CROCC2: variants seen among roughly 807,000 people sequenced by gnomAD.
CROCC2 encodes ciliary rootlet coiled-coil, rootletin family member 2.
In CROCC2, 163 loss-of-function variants were observed where a neutral mutation model predicts 177.6. That is an observed-to-expected ratio of 0.92 (90% CI 0.81 to 1.05). CROCC2 has a LOEUF of 1.05. CROCC2 is among the 50% of genes least tolerant of loss of function. The pLI, the probability that CROCC2 is intolerant of heterozygous loss-of-function variation, is 0.00. For synonymous variants in CROCC2, 904 were observed against 787.3 expected, an observed-to-expected ratio of 1.15 and a Z score of -2.48; for missense variants, 1,929 against 1,797.8, an observed-to-expected ratio of 1.07 and a Z score of -1.32.
At chr2:240,969,229 C>A (rs2059705481) in intron 27 of CROCC2, among the ~76,000 whole-genome samples, 1 of 152,176 alleles carries the variant, frequency 6.6e-6, no homozygotes, top group African/African-American at 2.4e-5. Context: ...CAGAAAGGCC[C>A]CAAGGGCAGC....
intron 30 of CROCC2, 47 bp from the exon 31 acceptor site, chr2:240,991,149 G>A: frequency 6.9e-7 from 1 of 1,439,444 alleles, no homozygotes; most frequent in Non-Finnish European, 9.4e-7. Context: ...CTGGGGCCCT[G>A]GCCGTGCAGC....
intron 7 of CROCC2, 91 bp from the exon 8 acceptor site, chr2:240,932,227 G>A (rs905746368): frequency 2.8e-5 from 18 of 643,172 alleles, no homozygotes; most frequent in Admixed American, 4.7e-5. Flanking sequence ...GGGGGCCACC[G>A]CACAAAGGAG....
intron 20 of CROCC2, among the ~76,000 whole-genome samples, chr2:240,961,468 GCATA>G (rs561266977): frequency 2.6e-5 from 4 of 151,916 alleles, no homozygotes; most frequent in African/African-American, 9.7e-5. Context: ...GCATGCACAG[GCATA>G]CAGACGTGCA....
intron 31 of CROCC2, 129 bp downstream of exon 31, chr2:240,991,407 C>A: frequency 1.3e-6 from 1 of 749,512 alleles, no homozygotes. Flanking sequence ...AAAACCAATG[C>A]CTTGTGCTCT....
chr2:240,941,700 A>G lies in CROCC2; in HGVS notation c.2170-4360A>G, dbSNP rs77585421. 5.2e-3 allele frequency among the ~76,000 whole-genome samples: 795 copies of G among 152,344 alleles called. 9 individuals carry two copies. Among genetic ancestry groups the G allele is most frequent in the African/African-American group, 0.019 (772 of 41,566 alleles). On this transcript the variant is annotated intron_variant, in intron 14 of 31. Coordinates refer to ENST00000690015, the MANE Select transcript of CROCC2 (RefSeq NM_001351305.2). ...CCTAAAATTATGATATGCACAGTCT[A>G]TATCCAAATATTATATTACTTCACA...
At chr2:240,957,611 G>C (rs2059600678) in intron 19 of CROCC2, 1 of 152,310 alleles carries the variant, frequency 6.6e-6, no homozygotes. Context: ...CGCAGCGGGA[G>C]AGGGCGCTGC....
At chr2:240,943,262 C>T (rs558932432) in intron 14 of CROCC2, among the ~76,000 whole-genome samples, 1 of 152,134 alleles carries the variant, frequency 6.6e-6, no homozygotes, top group African/African-American at 2.4e-5. Context: ...CCTGCCTCAG[C>T]CTCCCAAAGT....
At chr2:240,985,673 GCACT>G (rs1195666041) in intron 28 of CROCC2, among the ~76,000 whole-genome samples, 2 of 52,452 alleles carry the variant, frequency 3.8e-5, no homozygotes, top group Non-Finnish European at 6.4e-5. Flanking sequence ...ACACACCCAG[GCACT>G]CACTCCACAC....
intron 27 of CROCC2, among the ~76,000 whole-genome samples, chr2:240,971,470 C>G (rs986975127): frequency 1.3e-5 from 2 of 152,328 alleles, no homozygotes; most frequent in East Asian, 1.9e-4. Context: ...CCTTGTTTGC[C>G]TCTGACCTTG....
chr2:240,914,241 C>T (rs545895213), intron 1 of CROCC2, among the ~76,000 whole-genome samples: 98 of 152,350 alleles, frequency 6.4e-4, no homozygotes, highest in African/African-American at 2.2e-3. Flanking sequence ...CCAGTCCTAA[C>T]GCTGCTGCTG....
At chr2:240,909,885 G>T (rs1451800491) in intron 1 of CROCC2, among the ~76,000 whole-genome samples, 2 of 152,180 alleles carry the variant, frequency 1.3e-5, no homozygotes, top group African/African-American at 4.8e-5. Flanking sequence ...CCACCCTCCA[G>T]CTATAGCCTG....
At chr2:240,909,193 G>C (rs71428477) in intron 1 of CROCC2, among the ~76,000 whole-genome samples, 1 of 118,750 alleles carries the variant, frequency 8.4e-6, no homozygotes, top group East Asian at 2.7e-4. Flanking sequence ...TCCTCCACCT[G>C]GGGTGAGCTC....
chr2:240,955,912 G>A lies in CROCC2; in HGVS notation c.2883G>A (p.Arg961=). ...ERSLLSEELS[R]ARRTLERVQQ... is the part of the protein sequence containing the mutation. ...GCCTTCTGAGTGAGGAGCTCTCCAG[G>A]GCCAGGAGGACGCTAGAGCGGGTAC... Residue 961 remains arginine (R), a synonymous_variant, in exon 19 of 32, where the codon AGG becomes AGA. Transcript: ENST00000690015. The A allele has an allele frequency of 1.3e-6, 2 of 1,534,996 alleles. No individual in the cohort carries two copies. Among genetic ancestry groups the A allele is most frequent in the Non-Finnish European group, 1.7e-6 (2 of 1,146,912 alleles).
chr2:240,982,861 T>G lies in CROCC2; in HGVS notation c.4402-19T>G. On this transcript the variant is annotated intron_variant, in intron 27 of 31. Transcript: ENST00000690015. This position sits in a 1 kb window ranked among gnomAD's most constrained non-coding sequence, Gnocchi z 4.7. ...ACCCCCAGTGTCTCCAGGTGGACCC[T>G]GTGTCTCCTTCCCCCCAGGAGCAAC... 1.9e-6 allele frequency: 3 copies of G among 1,542,768 alleles called. No homozygotes were observed. Among genetic ancestry groups the G allele is most frequent in the Non-Finnish European group, 2.6e-6 (3 of 1,143,008 alleles).
intron 31 of CROCC2, among the ~76,000 whole-genome samples, chr2:240,992,692 C>G (rs537820626): frequency 2.0e-5 from 3 of 152,200 alleles, no homozygotes; most frequent in Non-Finnish European, 4.4e-5. Flanking sequence ...CCGATAGGCA[C>G]CCCCTGCCAT....
chr2:240,941,749 A>G (rs2106465927), intron 14 of CROCC2, among the ~76,000 whole-genome samples: 1 of 152,376 alleles, frequency 6.6e-6, no homozygotes, highest in East Asian at 1.9e-4. Context: ...CCTTCCAGCA[A>G]TACATTCCAT....
chr2:240,940,907 C>T (rs191241224), intron 14 of CROCC2, among the ~76,000 whole-genome samples: 9 of 152,202 alleles, frequency 5.9e-5, no homozygotes, highest in Non-Finnish European at 1.0e-4. Context: ...AAGTCAAACT[C>T]TCACTGTTTT....
Position 240,946,056 on chromosome 2 carries a change from C to T in CROCC2, c.2170-4C>T. ...GCCGACTGTCCCCTCCCCACCTCCC[C>T]TAGGTCACATGCCAGAAACAGGCCC... On this transcript the variant is annotated splice_polypyrimidine_tract_variant and splice_region_variant and intron_variant, in intron 14 of 31. Transcript: ENST00000690015. The T allele has an allele frequency of 2.7e-6, 4 of 1,505,636 alleles. No individual in the cohort carries two copies. The highest frequency in any genetic ancestry group is 3.6e-6 in the Non-Finnish European group (4 of 1,114,442). The allele number at this position is 1,505,636 out of a possible 1,614,324, so 93.3% of individuals were successfully genotyped here. A position where few individuals can be genotyped will look rare whatever the true frequency, so the allele number is the denominator to read the frequency against.
intron 25 of CROCC2, among the ~76,000 whole-genome samples, chr2:240,966,650 C>T (rs747064407): frequency 6.6e-6 from 1 of 152,126 alleles, no homozygotes; most frequent in African/African-American, 2.4e-5. Flanking sequence ...CCTGCTGTGA[C>T]ACCCACCAGG....
Sources: allele counts gnomAD v4.1 joint callset (sites outside exome capture counted in the v4.1 genomes callset), GRCh38; gene constraint gnomAD v4.1.1; non-coding constraint Gnocchi (gnomAD v3.1); transcripts MANE v1.5; gene names NCBI Gene and HGNC (gene_info 2026-07-23, HGNC 2026-07-21).